LRIG1: variants seen among roughly 807,000 people sequenced by gnomAD.
LRIG1 encodes the protein leucine rich repeats and immunoglobulin like domains 1, also known as leucine-rich repeats and immunoglobulin-like domains protein 1.
Under a neutral mutation model 99.2 loss-of-function variants are expected in LRIG1, and 48 were observed. The ratio of observed to expected loss-of-function variants is 0.48; its 90% CI spans 0.38 to 0.62. The LOEUF (loss-of-function observed/expected upper bound fraction) is 0.62. Among genes scored for constraint, LRIG1 ranks in the 20% least tolerant of loss-of-function variants. The probability of loss-of-function intolerance (pLI) is 0.00; values close to 1 mark genes in which losing one functional copy is unlikely to be tolerated. For missense variants in LRIG1, 1,646 were observed against 1,434.4 expected (o/e 1.15, Z -2.38); for synonymous variants, 772 against 596.1 (o/e 1.29, Z -4.30).
intron 3 of LRIG1, among the ~76,000 whole-genome samples, chr3:66,421,287 A>T (rs1702800181): frequency 6.6e-6 from 1 of 152,200 alleles, no homozygotes; most frequent in Non-Finnish European, 1.5e-5. Flanking sequence ...GCATTAACTC[A>T]AAAGTCCACA....
At chr3:66,426,755 G>A (rs1342342459) in intron 3 of LRIG1, among the ~76,000 whole-genome samples, 1 of 152,198 alleles carries the variant, frequency 6.6e-6, no homozygotes, top group African/African-American at 2.4e-5. Flanking sequence ...AATCCACACT[G>A]TATATCCTAT....
chr3:66,407,552 A>G, intron 7 of LRIG1, 61 bp from the exon 8 acceptor site: 1 of 1,588,788 alleles, frequency 6.3e-7, no homozygotes, highest in Non-Finnish European at 8.6e-7. Context: ...ACCCCACCCC[A>G]CCGGAAATTG....
chr3:66,492,490 A>T (rs531040215), intron 1 of LRIG1, among the ~76,000 whole-genome samples: 6 of 152,190 alleles, frequency 3.9e-5, no homozygotes, highest in Non-Finnish European at 8.8e-5. Flanking sequence ...AGTCCAGCTA[A>T]TTCTGCTTGT....
chr3:66,380,235 G>T lies in LRIG1; in HGVS notation c.*28C>A. 1.9e-6 allele frequency: 3 copies of T among 1,572,780 alleles called. No individual in the cohort carries two copies. The highest frequency in any genetic ancestry group is 2.6e-6 in the Non-Finnish European group (3 of 1,151,982). On this transcript the variant is annotated 3_prime_UTR_variant, in exon 19 of 19. Transcript: ENST00000273261. Reference sequence around the variant, plus strand: ...CTACCTCTCTTTCCCGTAGAGATTGGTATGACAAGAACTGAGGTAGACAAA... The same window carrying T: ...CTACCTCTCTTTCCCGTAGAGATTGTTATGACAAGAACTGAGGTAGACAAA...
In LRIG1 at chr3:66,386,320, A is replaced by C; in HGVS notation, c.1469-19T>G. 1 of 1,607,404 alleles carries C rather than the reference A, an allele frequency of 6.2e-7. No homozygotes were observed. The stretch of plus-strand genomic sequence containing the variant: ...AAGTCATCTGGGGAGAGAAGGGTCA[A>C]CTGTAAAGCGCTGGGTTCTTGGTAC... On this transcript the variant is annotated intron_variant, in intron 12 of 18. Transcript: ENST00000273261.
intron 3 of LRIG1, among the ~76,000 whole-genome samples, chr3:66,422,910 T>C (rs989721795): frequency 6.6e-6 from 1 of 152,214 alleles, no homozygotes; most frequent in Non-Finnish European, 1.5e-5. Context: ...CTTACATGGA[T>C]GGCAGCAGGC....
At chr3:66,445,940 G>A (rs966886754) in intron 3 of LRIG1, among the ~76,000 whole-genome samples, 2 of 152,050 alleles carry the variant, frequency 1.3e-5, no homozygotes, top group South Asian at 2.1e-4. Flanking sequence ...ATTTTCCGAC[G>A]TTGCACTCCA....
intron 2 of LRIG1, among the ~76,000 whole-genome samples, chr3:66,455,487 A>T (rs1420422929): frequency 6.6e-6 from 1 of 152,222 alleles, no homozygotes; most frequent in Non-Finnish European, 1.5e-5. Flanking sequence ...TTAGTAATAT[A>T]TCTTGGAGGT....
intron 3 of LRIG1, among the ~76,000 whole-genome samples, chr3:66,422,713 A>C (rs1702858767): frequency 6.6e-6 from 1 of 152,148 alleles, no homozygotes; most frequent in Non-Finnish European, 1.5e-5. Context: ...CCACATTTTC[A>C]GGTATGTTTT....
In LRIG1 at chr3:66,452,584, A is replaced by C. The variant is rs573836936; in HGVS notation, c.291-951T>G. ...GTCAAGGGGATAAAACTGGGTTCTT[A>C]TTCTCAGTTTTTTAAGGGAGGTACG... On this transcript the variant is annotated intron_variant, in intron 2 of 18. Coordinates refer to ENST00000273261, the MANE Select transcript of LRIG1 (RefSeq NM_015541.3). Among the ~76,000 whole-genome samples the C allele has an allele frequency of 7.9e-5, 12 of 152,276 alleles. No individual in the cohort carries two copies. In the East Asian group the frequency reaches 2.3e-3, roughly 29 times the overall value.
intron 3 of LRIG1, among the ~76,000 whole-genome samples, chr3:66,445,334 T>G (rs901578275): frequency 3.3e-5 from 5 of 151,940 alleles, no homozygotes; most frequent in African/African-American, 1.2e-4. Flanking sequence ...CCTTCAATAG[T>G]AAAGCTAAAT....
At chr3:66,395,172 A>G (rs1460542880) in intron 11 of LRIG1, among the ~76,000 whole-genome samples, 1 of 152,142 alleles carries the variant, frequency 6.6e-6, no homozygotes, top group Non-Finnish European at 1.5e-5. Flanking sequence ...TGGGAAAGAG[A>G]GCACACAGGC....
intron 3 of LRIG1, among the ~76,000 whole-genome samples, chr3:66,427,078 A>G (rs1703007307): frequency 1.3e-5 from 2 of 152,206 alleles, no homozygotes. Flanking sequence ...TGGGGGGAAA[A>G]AAAATCTAAC....
At chr3:66,416,052 T>TA (rs1289184503) in intron 4 of LRIG1, among the ~76,000 whole-genome samples, 9 of 152,160 alleles carry the variant, frequency 5.9e-5, no homozygotes, top group Non-Finnish European at 1.3e-4. Flanking sequence ...CACCTCAGAT[T>TA]AAAGAACAGC....
chr3:66,484,294 A>C (rs1700919379), intron 1 of LRIG1, among the ~76,000 whole-genome samples: 1 of 152,248 alleles, frequency 6.6e-6, no homozygotes, highest in African/African-American at 2.4e-5. Context: ...ATCTGTCACG[A>C]GCATTTAATG....
In LRIG1 at chr3:66,380,192, G is replaced by A; in HGVS notation, c.*71C>T. ...ACAGATGAGTGACGCTTGAACCCAA[G>A]CTTCCTCGCAGCCTCTCCTACCTCT... On this transcript the variant is annotated 3_prime_UTR_variant, in exon 19 of 19. Transcript: ENST00000273261. 7.6e-7 allele frequency: 1 copy of A among 1,316,220 alleles called. No homozygotes were observed. The highest frequency in any genetic ancestry group is 1.1e-6 in the Non-Finnish European group (1 of 950,650). The allele number at this position is 1,316,220 out of a possible 1,614,324, so 81.5% of individuals were successfully genotyped here.
At chr3:66,468,951 T>C (rs894421906) in intron 1 of LRIG1, 1 of 152,226 alleles carries the variant, frequency 6.6e-6, no homozygotes, top group Non-Finnish European at 1.5e-5. Context: ...AGAATAAGAC[T>C]TCGTTCAAAT....
chr3:66,462,987 G>A (rs964883013), intron 1 of LRIG1, among the ~76,000 whole-genome samples: 1 of 152,122 alleles, frequency 6.6e-6, no homozygotes, highest in African/African-American at 2.4e-5. Context: ...GCCCCCCAGA[G>A]GACACTTGGC....
rs753773409 is a variant in LRIG1, at chr3:66,462,420, G to A, written c.290+18C>T. The A allele has an allele frequency of 1.2e-5, 19 of 1,598,496 alleles. No homozygotes were observed. The highest frequency in any genetic ancestry group is 1.6e-5 in the Non-Finnish European group (19 of 1,167,400). On this transcript the variant is annotated intron_variant, in intron 2 of 18. Coordinates refer to ENST00000273261, the MANE Select transcript of LRIG1 (RefSeq NM_015541.3). ...CTCTCCATCCTTCCATCCACCAGAG[G>A]TTTAGGGGGAGACTCACACTTCCTG...
Sources: gnomAD v4.1 joint callset for allele counts (sites outside exome capture counted in the v4.1 genomes callset) on GRCh38, gnomAD v4.1.1 for gene constraint, MANE v1.5 for transcripts, NCBI Gene and HGNC (gene_info 2026-07-23, HGNC 2026-07-21) for gene names.